Variants in TUFT1 observed in about 807,000 individuals in gnomAD.
TUFT1 encodes tuftelin.
Under a neutral mutation model 57.8 loss-of-function variants are expected in TUFT1, and 43 were observed. The observed-to-expected ratio is 0.74, with a 90% CI of 0.58 to 0.96. The LOEUF is 0.96. Ranked by LOEUF, TUFT1 falls within the 40% of genes least tolerant of loss-of-function variation. TUFT1 has a pLI of 0.00. For synonymous variants in TUFT1, 166 were observed against 176.7 expected (o/e 0.94, Z 0.48); for missense variants, 459 against 489.0 (o/e 0.94, Z 0.58).
In TUFT1 at chr1:151,576,189, C is replaced by T. The variant is rs139864176; in HGVS notation, c.818+1184C>T. Among the ~76,000 whole-genome samples the T allele has an allele frequency of 4.8e-3, 725 of 152,158 alleles. 9 individuals carry two copies. The highest frequency in any genetic ancestry group is 0.017 in the African/African-American group (690 of 41,512). ...GAAGGATAAGGGGTAGCTCATGTTGCATTGTACCCCAAGCAGCATGCGCTT... is the reference window on the plus strand; with the variant it reads ...GAAGGATAAGGGGTAGCTCATGTTGTATTGTACCCCAAGCAGCATGCGCTT... On this transcript the variant is annotated intron_variant, in intron 9 of 12. Coordinates refer to ENST00000368849, the MANE Select transcript of TUFT1 (RefSeq NM_020127.3).
intron 1 of TUFT1, among the ~76,000 whole-genome samples, chr1:151,561,220 G>A (rs1390680718): frequency 2.0e-5 from 3 of 152,030 alleles, no homozygotes; most frequent in Non-Finnish European, 2.9e-5. Flanking sequence ...GGATGGTCTC[G>A]ATCTCCTGAC....
intron 1 of TUFT1, among the ~76,000 whole-genome samples, chr1:151,561,342 C>G (rs1665881928): frequency 6.6e-6 from 1 of 151,854 alleles, no homozygotes; most frequent in African/African-American, 2.4e-5. Context: ...ATGGCAAAAC[C>G]TCATGTCTAC....
intron 1 of TUFT1, 70 bp downstream of exon 1, chr1:151,540,496 C>T (rs530488065): frequency 1.3e-6 from 2 of 1,582,136 alleles, no homozygotes; most frequent in South Asian, 1.1e-5. Flanking sequence ...CCTTCCGTGC[C>T]CCGCGCCGTG....
At chr1:151,544,155 A>G (rs1426772361) in intron 1 of TUFT1, among the ~76,000 whole-genome samples, 1 of 149,616 alleles carries the variant, frequency 6.7e-6, no homozygotes, top group African/African-American at 2.5e-5. Flanking sequence ...CTAATTTTTC[A>G]TTTTTCGTAG....
At chr1:151,546,980 A>G (rs1665360315) in intron 1 of TUFT1, among the ~76,000 whole-genome samples, 1 of 152,188 alleles carries the variant, frequency 6.6e-6, no homozygotes, top group Admixed American at 6.5e-5. Context: ...GACTGAATGT[A>G]TTCTAAAATG....
intron 6 of TUFT1, among the ~76,000 whole-genome samples, 187 bp downstream of exon 6, chr1:151,566,415 T>C (rs1666082554): frequency 6.6e-6 from 1 of 152,206 alleles, no homozygotes; most frequent in Non-Finnish European, 1.5e-5. Context: ...ATCTCTCTCC[T>C]TGCGAGTATC....
intron 5 of TUFT1, 108 bp downstream of exon 5, chr1:151,564,722 G>T (rs1666008765): frequency 2.2e-6 from 2 of 927,240 alleles, no homozygotes; most frequent in Non-Finnish European, 3.4e-6. Context: ...ATCCCTGCCA[G>T]GAATGGAGAA....
At chr1:151,572,518 A>T (rs1212261183) in intron 7 of TUFT1, among the ~76,000 whole-genome samples, 5 of 152,062 alleles carry the variant, frequency 3.3e-5, no homozygotes, top group Non-Finnish European at 5.9e-5. Context: ...CATAAATAAA[A>T]TTTTTTTAAA....
In TUFT1 at chr1:151,582,039, G is replaced by A. The variant is rs1235662423; in HGVS notation, c.*332G>A. 1.8e-6 allele frequency: 1 copy of A among 543,218 alleles called. No individual in the cohort carries two copies. Among genetic ancestry groups the A allele is most frequent in the South Asian group, 1.5e-5 (1 of 65,272 alleles). 33.6% of individuals were successfully genotyped at this position (543,218 alleles called of 1,614,324 possible). On this transcript the variant is annotated 3_prime_UTR_variant, in exon 13 of 13. Transcript: ENST00000368849. ...TGGACTCTGGCTGTGCCATAAGCCA[G>A]GCCTTCATCAGATTGGGAGAGGTGA...
intron 6 of TUFT1, 27 bp from the exon 7 acceptor site, chr1:151,569,630 C>G (rs977507155): frequency 1.3e-6 from 2 of 1,595,418 alleles, no homozygotes; most frequent in Non-Finnish European, 1.7e-6. Context: ...TGAGGGCTTC[C>G]CCTTCCCTTC....
chr1:151,566,254 G>T lies in TUFT1; in HGVS notation c.480+26G>T. 7 of 1,596,578 alleles carry T rather than the reference G, an allele frequency of 4.4e-6. No homozygotes were observed. The South Asian group carries it at 5.6e-5, about 13-fold the overall frequency. On this transcript the variant is annotated intron_variant, in intron 6 of 12. Transcript: ENST00000368849. ...GTAGGTAACAGAGGACACCATGGTG[G>T]CTCCGCTTAGCCAGGGGCAGGATTG...
intron 1 of TUFT1, among the ~76,000 whole-genome samples, chr1:151,558,186 A>G (rs893021505): frequency 6.6e-6 from 1 of 151,770 alleles, no homozygotes; most frequent in Non-Finnish European, 1.5e-5. Flanking sequence ...GTTTTCCTTC[A>G]TCTGAGAATG....
chr1:151,548,342 C>T (rs1665408740), intron 1 of TUFT1, among the ~76,000 whole-genome samples: 2 of 133,108 alleles, frequency 1.5e-5, no homozygotes, highest in African/African-American at 5.5e-5. Context: ...CTTGCTCTGT[C>T]ACCAGGCTGG....
chr1:151,562,271 G>T lies in TUFT1; in HGVS notation c.135+106G>T, dbSNP rs543461929. ...TGGAGCCGACTCTGGTGATGCGAGC[G>T]TGGGAGCCCCTCCTTTCAGCAACAT... On this transcript the variant is annotated intron_variant, in intron 2 of 12. Coordinates refer to ENST00000368849, the MANE Select transcript of TUFT1 (RefSeq NM_020127.3). The T allele has an allele frequency of 9.0e-6, 9 of 1,002,096 alleles. No individual in the cohort carries two copies. In the South Asian group the frequency reaches 1.2e-4, roughly 13 times the overall value. 62.1% of individuals were successfully genotyped at this position (1,002,096 alleles called of 1,614,324 possible). A position where few individuals can be genotyped will look rare whatever the true frequency, so the allele number is the denominator to read the frequency against.
At chr1:151,564,741 T>A (rs1666009670) in intron 5 of TUFT1, 127 bp downstream of exon 5, 2 of 764,692 alleles carry the variant, frequency 2.6e-6, no homozygotes, top group African/African-American at 3.5e-5. Flanking sequence ...AAAATAGAGG[T>A]GATGCTGGCT....
chr1:151,543,166 A>G (rs1665220784), intron 1 of TUFT1, among the ~76,000 whole-genome samples: 1 of 152,168 alleles, frequency 6.6e-6, no homozygotes, highest in Admixed American at 6.5e-5. Flanking sequence ...CAGCAGGTAC[A>G]AGGAGCCAGT....
At chr1:151,557,883 A>T in intron 1 of TUFT1, 3 of 726,176 alleles carry the variant, frequency 4.1e-6, no homozygotes, top group South Asian at 2.7e-5. Flanking sequence ...CTGGGTCAGC[A>T]ACCGAATTCC....
Position 151,581,633 on chromosome 1 carries a change from C to T in TUFT1, c.1110-11C>T. ...CCCAGCACAACTCAGTGTTTCCAAC[C>T]TTCTTTTCAGTATTAGGATATCCAA... On this transcript the variant is annotated splice_polypyrimidine_tract_variant and intron_variant, in intron 12 of 12. Transcript: ENST00000368849. 1.9e-6 allele frequency: 3 copies of T among 1,614,048 alleles called. No homozygotes were observed. Among genetic ancestry groups the T allele is most frequent in the Non-Finnish European group, 2.5e-6 (3 of 1,179,966 alleles).
In TUFT1 at chr1:151,563,920, G is replaced by A. The variant is rs1170647925; in HGVS notation, c.254G>A (p.Arg85Lys). The change falls in exon 4 of 13, where the codon AGG becomes AAG. Residue 85 changes from arginine (R) to lysine (K), a missense_variant. Transcript: ENST00000368849. Reference protein sequence around the residue: ...EEIIKVYLKGRSGDKMIHEKN... With the variant: ...EEIIKVYLKGKSGDKMIHEKN... Reference sequence around the variant, plus strand: ...TTATTTCAGGTGTACTTGAAGGGGAGGTCTGGAGACAAGATGATTCACGAG... The same window carrying A: ...TTATTTCAGGTGTACTTGAAGGGGAAGTCTGGAGACAAGATGATTCACGAG... The A allele has an allele frequency of 2.5e-6, 4 of 1,613,942 alleles. No individual in the cohort carries two copies. The highest frequency in any genetic ancestry group is 1.6e-4 in the Middle Eastern group (1 of 6,084).
Sources: allele counts gnomAD v4.1 joint callset (sites outside exome capture counted in the v4.1 genomes callset), GRCh38; gene constraint gnomAD v4.1.1; transcripts MANE v1.5; gene names NCBI Gene and HGNC (gene_info 2026-07-23, HGNC 2026-07-21).